Variants in ERBB4 observed in about 807,000 individuals in gnomAD.
ERBB4 encodes the protein erb-b2 receptor tyrosine kinase 4, also known as receptor tyrosine-protein kinase erbB-4.
A neutral mutation model predicts 158.0 loss-of-function variants in ERBB4; 42 were observed. That is an observed-to-expected ratio of 0.27 (90% CI 0.21 to 0.34). ERBB4 has a LOEUF of 0.34. ERBB4 is among the 10% of genes least tolerant of loss of function. The pLI, the probability that ERBB4 is intolerant of heterozygous loss-of-function variation, is 1.00. For synonymous variants in ERBB4, 583 were observed against 558.7 expected, an observed-to-expected ratio of 1.04 and a Z score of -0.61; for missense variants, 1,333 against 1,624.1, an observed-to-expected ratio of 0.82 and a Z score of 3.08.
chr2:212,035,527 C>A lies in ERBB4; in HGVS notation c.235-87911G>T, dbSNP rs147542785. Among the ~76,000 whole-genome samples, 183 of 152,278 alleles carry A rather than the reference C, an allele frequency of 1.2e-3. No homozygotes were observed. In the East Asian group the frequency reaches 0.032, roughly 27 times the overall value. On this transcript the variant is annotated intron_variant, in intron 2 of 27. Transcript: ENST00000342788. ...TGTCCCTAGATGAGATAAATCTTTG[C>A]GCTCTCTTCTGTAATAATGTTTTAA...
At chr2:211,707,967 T>C (rs1435312703) in intron 9 of ERBB4, among the ~76,000 whole-genome samples, 1 of 152,172 alleles carries the variant, frequency 6.6e-6, no homozygotes, top group Non-Finnish European at 1.5e-5. Flanking sequence ...CATATGACCT[T>C]ATCAAAAGCT....
chr2:211,473,860 C>T (rs2064890244), intron 20 of ERBB4, among the ~76,000 whole-genome samples: 1 of 151,862 alleles, frequency 6.6e-6, no homozygotes, highest in Admixed American at 6.6e-5. Context: ...ATATAAATAC[C>T]AAATTGAATT....
intron 1 of ERBB4, among the ~76,000 whole-genome samples, chr2:212,157,806 A>G (rs2081086760): frequency 6.6e-6 from 1 of 152,208 alleles, no homozygotes; most frequent in Admixed American, 6.6e-5. Context: ...ATACATGACT[A>G]TCTTCTACTT....
chr2:211,597,350 A>G (rs2068665345), intron 19 of ERBB4, among the ~76,000 whole-genome samples: 1 of 152,186 alleles, frequency 6.6e-6, no homozygotes, highest in East Asian at 1.9e-4. Flanking sequence ...ATTTGTACAT[A>G]TTTTCTGCAT....
intron 1 of ERBB4, among the ~76,000 whole-genome samples, chr2:212,421,812 A>T (rs1376728037): frequency 6.6e-6 from 1 of 152,188 alleles, no homozygotes; most frequent in African/African-American, 2.4e-5. Context: ...AATGTATTGG[A>T]GTCATCTGTG....
rs574417774 is a variant in ERBB4, at chr2:211,378,179, A to C, written c.*5436T>G. The C allele has an allele frequency of 8.6e-6, 2 of 233,140 alleles. No homozygotes were observed. Among genetic ancestry groups the C allele is most frequent in the African/African-American group, 4.4e-5 (2 of 45,454 alleles). 14.4% of individuals were successfully genotyped at this position (233,140 alleles called of 1,614,324 possible). The stretch of plus-strand genomic sequence containing the variant: ...ATTTTCCTCTAAAGGTCAGAGAGAA[A>C]TACATTTTTCTTTGATTCCTAACAA... On this transcript the variant is annotated 3_prime_UTR_variant, in exon 28 of 28. Coordinates refer to ENST00000342788, the MANE Select transcript of ERBB4 (RefSeq NM_005235.3).
At position 212,538,445 on chromosome 2, in the gene ERBB4, C is replaced by A; in HGVS notation, c.82+4G>T. On this transcript the variant is annotated splice_donor_region_variant and intron_variant, in intron 1 of 27. Coordinates refer to ENST00000342788, the MANE Select transcript of ERBB4 (RefSeq NM_005235.3). ...CGGCGACCGGAGTGCCAGAAGGAACCCACCTGACTGAGAATCGCTGGGCTG... is the reference window on the plus strand; with the variant it reads ...CGGCGACCGGAGTGCCAGAAGGAACACACCTGACTGAGAATCGCTGGGCTG... The A allele has an allele frequency of 6.2e-7, 1 of 1,613,788 alleles. No homozygotes were observed. Among genetic ancestry groups the A allele is most frequent in the Non-Finnish European group, 8.5e-7 (1 of 1,179,784 alleles).
intron 1 of ERBB4, among the ~76,000 whole-genome samples, chr2:212,452,513 T>C (rs1688046804): frequency 6.6e-6 from 1 of 152,166 alleles, no homozygotes; most frequent in African/African-American, 2.4e-5. Context: ...TAATGGTAGC[T>C]CAGGACATTT....
chr2:211,947,684 G>T, intron 2 of ERBB4, 68 bp from the exon 3 acceptor site: 1 of 1,308,502 alleles, frequency 7.6e-7, no homozygotes, highest in Non-Finnish European at 1.1e-6. Flanking sequence ...TAGCAATTTA[G>T]ATTAAAATGA....
chr2:212,155,330 T>C (rs571856244), intron 1 of ERBB4, among the ~76,000 whole-genome samples: 5 of 149,830 alleles, frequency 3.3e-5, no homozygotes, highest in East Asian at 1.9e-4. Context: ...AGTTGGAATG[T>C]TGACACAAGG....
intron 1 of ERBB4, among the ~76,000 whole-genome samples, chr2:212,520,550 G>T (rs980774688): frequency 6.6e-6 from 1 of 151,892 alleles, no homozygotes; most frequent in Non-Finnish European, 1.5e-5. Context: ...CCTGTCAGCT[G>T]AATAAGATAA....
chr2:212,352,002 T>A (rs2089273958), intron 1 of ERBB4, among the ~76,000 whole-genome samples: 1 of 152,130 alleles, frequency 6.6e-6, no homozygotes, highest in South Asian at 2.1e-4. Context: ...AAGAAGGAGA[T>A]CTTATCCTTT....
At chr2:211,597,045 C>T (rs1444029750) in intron 19 of ERBB4, among the ~76,000 whole-genome samples, 1 of 152,142 alleles carries the variant, frequency 6.6e-6, no homozygotes, top group Non-Finnish European at 1.5e-5. Flanking sequence ...GGAATACAAG[C>T]ATGAGCCACT....
At chr2:212,359,621 A>C (rs1020406014) in intron 1 of ERBB4, among the ~76,000 whole-genome samples, 1 of 151,758 alleles carries the variant, frequency 6.6e-6, no homozygotes, top group African/African-American at 2.4e-5. Context: ...CTGATAGCAG[A>C]TAAGGAATCT....
At chr2:211,628,909 T>G (rs894810438) in intron 17 of ERBB4, among the ~76,000 whole-genome samples, 1 of 152,232 alleles carries the variant, frequency 6.6e-6, no homozygotes, top group African/African-American at 2.4e-5. Context: ...TTTGCATTTC[T>G]CTGATGGCCA....
chr2:211,554,081 G>A (rs1189287056), intron 20 of ERBB4, among the ~76,000 whole-genome samples: 2 of 152,154 alleles, frequency 1.3e-5, no homozygotes, highest in Non-Finnish European at 2.9e-5. Context: ...AGATAAAATG[G>A]TATGCTCCCC....
At chr2:212,306,769 C>A (rs974197276) in intron 1 of ERBB4, among the ~76,000 whole-genome samples, 1 of 150,838 alleles carries the variant, frequency 6.6e-6, no homozygotes, top group African/African-American at 2.4e-5. Flanking sequence ...TGCATTTATT[C>A]ATATTGTTTT....
At chr2:211,942,106 C>T (rs1460462218) in intron 3 of ERBB4, among the ~76,000 whole-genome samples, 1 of 152,014 alleles carries the variant, frequency 6.6e-6, no homozygotes, top group African/African-American at 2.4e-5. Context: ...GAGTCAATGA[C>T]AGGTGACTTG....
intron 19 of ERBB4, among the ~76,000 whole-genome samples, chr2:211,606,693 T>G (rs1337939795): frequency 1.3e-5 from 2 of 152,142 alleles, no homozygotes; most frequent in Non-Finnish European, 2.9e-5. Flanking sequence ...AAATTTACCT[T>G]TTTAAAATCA....
Sources: gnomAD v4.1 joint callset for allele counts (sites outside exome capture counted in the v4.1 genomes callset) on GRCh38, gnomAD v4.1.1 for gene constraint, MANE v1.5 for transcripts, NCBI Gene and HGNC (gene_info 2026-07-23, HGNC 2026-07-21) for gene names.